The following NMNAT2 variants were observed in gnomAD, a reference collection of about 807,000 sequenced individuals.
The protein encoded by NMNAT2 is nicotinamide/nicotinic acid mononucleotide adenylyltransferase 2.
Under a neutral mutation model 41.6 loss-of-function variants are expected in NMNAT2, and 11 were observed. The ratio of observed to expected loss-of-function variants is 0.26; its 90% CI spans 0.17 to 0.44. The LOEUF is 0.44. Ranked by LOEUF, NMNAT2 falls within the 20% of genes least tolerant of loss-of-function variation. The pLI, the probability that NMNAT2 is intolerant of heterozygous loss-of-function variation, is 1.00. For missense variants in NMNAT2, 288 were observed against 407.7 expected (o/e 0.71, Z 2.53); for synonymous variants, 148 against 151.2 (o/e 0.98, Z 0.16).
intron 1 of NMNAT2, among the ~76,000 whole-genome samples, chr1:183,298,414 C>A (rs1021151223): frequency 2.8e-4 from 41 of 145,208 alleles, no homozygotes; most frequent in Admixed American, 5.6e-4. Flanking sequence ...CAAACAAAAT[C>A]AAAATAAAAA....
At chr1:183,286,840 CAA>C in intron 4 of NMNAT2, 52 bp from the exon 5 acceptor site, 3 of 1,570,200 alleles carry the variant, frequency 1.9e-6, no homozygotes, top group Non-Finnish European at 2.6e-6. Context: ...AGAATCGTTT[CAA>C]AGTTATCTCC....
chr1:183,315,325 C>T (rs560242133), intron 1 of NMNAT2, among the ~76,000 whole-genome samples: 1 of 152,326 alleles, frequency 6.6e-6, no homozygotes, highest in Non-Finnish European at 1.5e-5. Context: ...AAGAATAGCA[C>T]TAAGTTCACC....
chr1:183,374,189 A>G (rs1270914240), intron 1 of NMNAT2, among the ~76,000 whole-genome samples: 3 of 152,234 alleles, frequency 2.0e-5, no homozygotes, highest in Admixed American at 6.5e-5. Context: ...ACACTCAACC[A>G]GTATACCGTG....
intron 1 of NMNAT2, among the ~76,000 whole-genome samples, chr1:183,314,754 G>A (rs993702215): frequency 1.3e-5 from 2 of 152,178 alleles, no homozygotes; most frequent in African/African-American, 2.4e-5. Flanking sequence ...TGGCTCATAC[G>A]TATAATCTCA....
At chr1:183,253,972 TTATC>T (rs1347502102) in intron 10 of NMNAT2, among the ~76,000 whole-genome samples, 8 of 151,786 alleles carry the variant, frequency 5.3e-5, no homozygotes, top group Middle Eastern at 3.4e-3. Context: ...CACATTTTCT[TTATC>T]TATTCATCCA....
At chr1:183,292,943 A>C in intron 2 of NMNAT2, 86 bp from the exon 3 acceptor site, 6 of 1,248,586 alleles carry the variant, frequency 4.8e-6, no homozygotes, top group Non-Finnish European at 5.8e-6. Flanking sequence ...ACCCATTGTT[A>C]AAGTGCAGCC....
intron 1 of NMNAT2, among the ~76,000 whole-genome samples, chr1:183,307,767 A>T (rs1662028211): frequency 1.3e-5 from 2 of 152,092 alleles, no homozygotes; most frequent in Non-Finnish European, 2.9e-5. Context: ...TTTTTAGTGG[A>T]GTCGGGGTTT....
chr1:183,299,100 C>T (rs1013064108), intron 1 of NMNAT2, among the ~76,000 whole-genome samples: 46 of 152,102 alleles, frequency 3.0e-4, no homozygotes, highest in African/African-American at 1.1e-3. Context: ...GGCTGGGCAC[C>T]GTGGCTCATG....
chr1:183,322,551 A>T (rs554226968), intron 1 of NMNAT2, among the ~76,000 whole-genome samples: 1 of 152,142 alleles, frequency 6.6e-6, no homozygotes, highest in Non-Finnish European at 1.5e-5. Flanking sequence ...GCCTGTCCCA[A>T]TTGCTATCCC....
At chr1:183,288,576 T>G (rs1436123888) in intron 4 of NMNAT2, among the ~76,000 whole-genome samples, 1 of 152,228 alleles carries the variant, frequency 6.6e-6, no homozygotes, top group African/African-American at 2.4e-5. Flanking sequence ...AGACATCAAA[T>G]GATAGCCAGG....
At chr1:183,316,645 C>T (rs1311373581) in intron 1 of NMNAT2, among the ~76,000 whole-genome samples, 1 of 152,216 alleles carries the variant, frequency 6.6e-6, no homozygotes, top group Admixed American at 6.5e-5. Flanking sequence ...TTACTTCCCT[C>T]TGGAGGGCAG....
chr1:183,288,517 T>C (rs1482803009), intron 4 of NMNAT2, among the ~76,000 whole-genome samples: 1 of 152,232 alleles, frequency 6.6e-6, no homozygotes, highest in Non-Finnish European at 1.5e-5. Flanking sequence ...CCCAGACTTA[T>C]ACCCTGGGCA....
Position 183,338,624 on chromosome 1 carries a change from A to T in NMNAT2, c.86-44831T>A, listed in dbSNP as rs116382301. 1.9e-3 allele frequency among the ~76,000 whole-genome samples: 297 copies of T among 152,314 alleles called. 1 individual carries two copies. Among genetic ancestry groups the T allele is most frequent in the African/African-American group, 6.9e-3 (287 of 41,572 alleles). ...TTAATGCGTATTATTACTGTTGCCC[A>T]AGTTGGTAAATGGAAAAGCTAAAAC... On this transcript the variant is annotated intron_variant, in intron 1 of 10. Coordinates refer to ENST00000287713, the MANE Select transcript of NMNAT2 (RefSeq NM_015039.4).
rs1319381081 is a variant in NMNAT2 at position 183,418,211 on chromosome 1, G to T, written c.57C>A (p.Pro19=). Residue 19 remains proline, a synonymous_variant, in exon 1 of 11, where the codon CCC becomes CCA. Transcript: ENST00000287713. The part of the protein sequence containing the change: ...VILLACGSFN[P]ITKGHIQMFE... ...ACATCTGAATGTGCCCTTTGGTGAT[G>T]GGATTGAAGCTGCCGCAGGCGAGCA... The T allele has an allele frequency of 1.2e-6, 2 of 1,614,160 alleles. No individual in the cohort carries two copies. Among genetic ancestry groups the T allele is most frequent in the South Asian group, 2.2e-5 (2 of 91,084 alleles).
intron 1 of NMNAT2, among the ~76,000 whole-genome samples, chr1:183,416,955 C>T (rs1046946491): frequency 9.9e-5 from 15 of 152,170 alleles, no homozygotes; most frequent in South Asian, 2.1e-4. Context: ...CTGGAGAGCG[C>T]CTTGCTGGCG....
intron 8 of NMNAT2, among the ~76,000 whole-genome samples, chr1:183,262,753 T>A (rs534610): frequency 6.6e-6 from 1 of 152,200 alleles, no homozygotes; most frequent in Non-Finnish European, 1.5e-5. Context: ...CTTTTATTTT[T>A]AAAGAGCCTG....
At chr1:183,258,445 C>A (rs1660573622) in intron 10 of NMNAT2, among the ~76,000 whole-genome samples, 1 of 152,194 alleles carries the variant, frequency 6.6e-6, no homozygotes, top group Non-Finnish European at 1.5e-5. Flanking sequence ...TTCTAACCTC[C>A]AAGCTGTCCT....
chr1:183,262,955 C>G (rs1660701551), intron 8 of NMNAT2, among the ~76,000 whole-genome samples: 1 of 152,174 alleles, frequency 6.6e-6, no homozygotes, highest in South Asian at 2.1e-4. Context: ...ACAAGTGGCA[C>G]AAAAACAAAT....
intron 1 of NMNAT2, among the ~76,000 whole-genome samples, chr1:183,389,214 C>A (rs774026183): frequency 2.0e-4 from 30 of 152,176 alleles, no homozygotes; most frequent in Non-Finnish European, 4.0e-4. Flanking sequence ...TCCTGAATCT[C>A]TATATCCCCC....
Sources: gnomAD v4.1 joint callset for allele counts (sites outside exome capture counted in the v4.1 genomes callset) on GRCh38, gnomAD v4.1.1 for gene constraint, MANE v1.5 for transcripts, NCBI Gene and HGNC (gene_info 2026-07-23, HGNC 2026-07-21) for gene names.